PIWIL1: variants seen among roughly 807,000 people sequenced by gnomAD.
The protein encoded by PIWIL1 is piwi like RNA-mediated gene silencing 1, also known as piwi-like protein 1.
Under a neutral mutation model 114.4 loss-of-function variants are expected in PIWIL1, and 73 were observed. That is an observed-to-expected ratio of 0.64 (90% CI 0.53 to 0.78). PIWIL1 has a LOEUF of 0.78. PIWIL1 is among the 30% of genes least tolerant of loss of function. The pLI is 0.00. For synonymous variants in PIWIL1, 375 were observed against 369.0 expected, an observed-to-expected ratio of 1.02 and a Z score of -0.19; for missense variants, 723 against 1,063.1, an observed-to-expected ratio of 0.68 and a Z score of 4.45.
At chr12:130,356,895 AGT>A in intron 12 of PIWIL1, 21 bp from the exon 13 acceptor site, 1 of 1,540,576 alleles carries the variant, frequency 6.5e-7, no homozygotes, top group East Asian at 2.3e-5. Flanking sequence ...TGGAATTTAC[AGT>A]GTGTCTGAAC....
chr12:130,366,986 A>ATCCTGATC (rs1369257814), intron 18 of PIWIL1, 147 bp from the exon 19 acceptor site: 10 of 897,854 alleles, frequency 1.1e-5, no homozygotes, highest in Non-Finnish European at 1.5e-5. Context: ...CAAGAGTAAG[A>ATCCTGATC]TCCTGATCCT....
chr12:130,410,717 T>C, the PIWIL1 span, among the ~76,000 whole-genome samples: 1 of 152,240 alleles, frequency 6.6e-6, no homozygotes, highest in African/African-American at 2.4e-5. Flanking sequence ...TTAATCTATG[T>C]TTCTATCCTT....
At chr12:130,347,322 G>A (rs1193704982) in intron 6 of PIWIL1, among the ~76,000 whole-genome samples, 2 of 152,162 alleles carry the variant, frequency 1.3e-5, no homozygotes, top group Admixed American at 6.5e-5. Context: ...ATATCCTCGA[G>A]AGCTATTGCG....
the PIWIL1 span, among the ~76,000 whole-genome samples, chr12:130,401,295 T>C: frequency 1.2e-4 from 18 of 152,092 alleles, no homozygotes; most frequent in African/African-American, 3.9e-4. Context: ...TTTGTATTTT[T>C]AGTAGAGACA....
At chr12:130,419,356 A>G in the PIWIL1 span, among the ~76,000 whole-genome samples, 1 of 152,194 alleles carries the variant, frequency 6.6e-6, no homozygotes, top group African/African-American at 2.4e-5. This position sits in a 1 kb window ranked among gnomAD's most constrained non-coding sequence, Gnocchi z 4.3. Context: ...ATCAGGGCTC[A>G]TGCCTGGACG....
At chr12:130,414,437 A>G in the PIWIL1 span, 44 of 852,614 alleles carry the variant, frequency 5.2e-5, no homozygotes, top group Non-Finnish European at 7.9e-5. Flanking sequence ...GTGTCTTAAC[A>G]TGTAGGTGGA....
At chr12:130,421,956 C>T in the PIWIL1 span, among the ~76,000 whole-genome samples, 1 of 152,172 alleles carries the variant, frequency 6.6e-6, no homozygotes, top group East Asian at 1.9e-4. Flanking sequence ...AAGGGAGGTG[C>T]CCAGATGGAT....
intron 14 of PIWIL1, among the ~76,000 whole-genome samples, chr12:130,359,450 C>T (rs1048906910): frequency 6.6e-6 from 1 of 152,170 alleles, no homozygotes; most frequent in African/African-American, 2.4e-5. Flanking sequence ...TGCCCTGTTC[C>T]CATAACCATT....
the PIWIL1 span, chr12:130,422,479 G>A: frequency 6.2e-7 from 1 of 1,612,630 alleles, no homozygotes; most frequent in Non-Finnish European, 8.5e-7. The surrounding 1 kb of genome is among the most constrained non-coding windows in gnomAD (Gnocchi z 5.2). Flanking sequence ...CACGGGCCGG[G>A]ACCTCTGAGG....
At chr12:130,365,915 G>A (rs1749260342) in intron 18 of PIWIL1, among the ~76,000 whole-genome samples, 1 of 152,190 alleles carries the variant, frequency 6.6e-6, no homozygotes, top group East Asian at 1.9e-4. Flanking sequence ...CTATTAGCAC[G>A]GGCAGTCGCT....
intron 16 of PIWIL1, among the ~76,000 whole-genome samples, chr12:130,362,354 A>G (rs2073537958): frequency 6.6e-6 from 1 of 152,226 alleles, no homozygotes; most frequent in African/African-American, 2.4e-5. Flanking sequence ...TTAGTTTGCT[A>G]GAGGTAACGG....
Position 130,347,040 on chromosome 12 carries a change from T to C in PIWIL1, c.631T>C (p.Phe211Leu). 1 of 1,610,432 alleles carries C rather than the reference T, an allele frequency of 6.2e-7. No homozygotes were observed. Among genetic ancestry groups the C allele is most frequent in the Non-Finnish European group, 8.5e-7 (1 of 1,178,542 alleles). The change falls in exon 6 of 21, where the codon TTC (phenylalanine) becomes CTC (leucine). Residue 211 changes from phenylalanine (F) to leucine (L), a missense_variant. This residue lies in a region of PIWIL1 where 190 missense variants were observed against 294.4 expected (regional missense o/e 0.65). Coordinates refer to ENST00000245255, the MANE Select transcript of PIWIL1 (RefSeq NM_004764.5). ...LPPTSPTCLQ[F>L]YNIIFRRLLK... ...ACCTACATCACCAACTTGTTTGCAG[T>C]TCTATAATATTATTTTCAGGAGGTA... is the stretch of plus-strand genomic sequence containing the variant.
At chr12:130,378,747 C>T in the PIWIL1 span, among the ~76,000 whole-genome samples, 1 of 152,246 alleles carries the variant, frequency 6.6e-6, no homozygotes, top group East Asian at 1.9e-4. Flanking sequence ...TACATGTTGG[C>T]CGTTCTTACA....
At chr12:130,338,197 C>G (rs1256374833) in intron 1 of PIWIL1, 51 bp downstream of exon 1, 107 of 284,336 alleles carry the variant, frequency 3.8e-4, no homozygotes, top group Middle Eastern at 1.3e-3. Context: ...GATGCGGGGG[C>G]GGCGGCTGGG....
the PIWIL1 span, among the ~76,000 whole-genome samples, chr12:130,401,521 T>C: frequency 6.6e-6 from 1 of 151,790 alleles, no homozygotes; most frequent in Non-Finnish European, 1.5e-5. Context: ...AGGTGCACAC[T>C]CACTGCCCTG....
chr12:130,420,489 CG>C, the PIWIL1 span, among the ~76,000 whole-genome samples: 2 of 152,130 alleles, frequency 1.3e-5, no homozygotes, highest in African/African-American at 4.8e-5. The surrounding 1 kb of genome is among the most constrained non-coding windows in gnomAD (Gnocchi z 4.3). Flanking sequence ...TGGAATTCTA[CG>C]GCTTCAGAAA....
downstream of PIWIL1, among the ~76,000 whole-genome samples, chr12:130,377,221 C>T (rs1221902773): frequency 6.6e-6 from 1 of 152,172 alleles, no homozygotes; most frequent in Non-Finnish European, 1.5e-5. Context: ...TTCGATGATC[C>T]CCAGTGTATA....
the PIWIL1 span, among the ~76,000 whole-genome samples, chr12:130,403,707 T>G: frequency 1.3e-5 from 2 of 152,212 alleles, no homozygotes; most frequent in Non-Finnish European, 2.9e-5. Flanking sequence ...TTTCTTAGTT[T>G]ATTTGGTAAT....
rs143665312 is a variant in PIWIL1, at chr12:130,345,856, C to A, written c.294C>A (p.Asp98Glu). ...DLGVNTRQNL[D>E]HVKESKTGSS... is the part of the protein sequence containing the mutation. ...GTGTGAATACAAGGCAGAACCTAGA[C>A]CATGTTAAAGAATCAAAAACAGGTA... Residue 98 changes from aspartate (D) to glutamate (E), a missense_variant, in exon 4 of 21, where the codon GAC (aspartate) becomes GAA (glutamate). Physicochemically the swap from Asp to Glu is conservative, Grantham distance 45. This residue lies in a region of PIWIL1 where 190 missense variants were observed against 294.4 expected (regional missense o/e 0.65). Coordinates refer to ENST00000245255, the MANE Select transcript of PIWIL1 (RefSeq NM_004764.5). 6.2e-7 allele frequency: 1 copy of A among 1,613,642 alleles called. No individual in the cohort carries two copies. Among genetic ancestry groups the A allele is most frequent in the Admixed American group, 1.7e-5 (1 of 59,980 alleles).
Sources: allele counts gnomAD v4.1 joint callset (sites outside exome capture counted in the v4.1 genomes callset), GRCh38; gene constraint gnomAD v4.1.1; regional missense constraint gnomAD v4.1.1; non-coding constraint Gnocchi (gnomAD v3.1); transcripts MANE v1.5; gene names NCBI Gene and HGNC (gene_info 2026-07-23, HGNC 2026-07-21).